The following MUC3A variants were observed in gnomAD, a reference collection of about 807,000 sequenced individuals.
The protein encoded by MUC3A is mucin 3A, cell surface associated.
Under a neutral mutation model 109.0 loss-of-function variants are expected in MUC3A, and 109 were observed. That is an observed-to-expected ratio of 1.00 (90% CI 0.86 to 1.17). The LOEUF is 1.17. Among genes scored for constraint, MUC3A ranks in the 50% most tolerant of loss-of-function variants. The probability of loss-of-function intolerance (pLI) is 0.00; values close to 1 mark genes in which losing one functional copy is unlikely to be tolerated. For synonymous variants in MUC3A, 1,398 were observed against 981.4 expected, an observed-to-expected ratio of 1.42 and a Z score of -7.93; for missense variants, 3,537 against 2,469.4, an observed-to-expected ratio of 1.43 and a Z score of -9.16.
chr7:100,961,317 C>T (rs534051248), intron 3 of MUC3A, among the ~76,000 whole-genome samples: 1 of 136,394 alleles, frequency 7.3e-6, no homozygotes, highest in African/African-American at 2.8e-5. Flanking sequence ...GTCACCAGGG[C>T]TGTGTTGTCT....
At position 100,965,830 on chromosome 7, in the gene MUC3A, G is replaced by A. The variant is rs1021234895; in HGVS notation, c.9575G>A (p.Gly3192Asp). The change falls in exon 8 of 12, where the codon GGC (glycine) becomes GAC (aspartate). Residue 3192 changes from glycine (G) to aspartate (D), a missense_variant. By Grantham distance (94) the Gly-to-Asp change is moderately conservative. Transcript: ENST00000379458. ...GVDNAIDCHQGQCVLETSGPT... is the reference protein window; with the variant it reads ...GVDNAIDCHQDQCVLETSGPT... The stretch of plus-strand genomic sequence containing the variant: ...GACAACGCCATCGACTGTCACCAGG[G>A]CCAGTGCGTTCTGGAGACGAGCGGT... 2.5e-6 allele frequency: 4 copies of A among 1,597,080 alleles called. No individual in the cohort carries two copies. Among genetic ancestry groups the A allele is most frequent in the Non-Finnish European group, 3.4e-6 (4 of 1,178,916 alleles).
intron 1 of MUC3A, among the ~76,000 whole-genome samples, chr7:100,950,215 C>T (rs1245037319): frequency 6.6e-6 from 1 of 152,310 alleles, no homozygotes; most frequent in African/African-American, 2.4e-5. Context: ...ACTCTCTTAC[C>T]CCGGCCAGGG....
At chr7:100,964,672 C>G in intron 5 of MUC3A, 23 bp from the exon 6 acceptor site, 1 of 1,595,492 alleles carries the variant, frequency 6.3e-7, no homozygotes, top group East Asian at 2.2e-5. Context: ...CTGGGGCACT[C>G]TCTAAGGCTG....
In MUC3A at chr7:100,959,995, C is replaced by G. The variant is rs1373756378; in HGVS notation, c.8216C>G (p.Thr2739Ser). The G allele has an allele frequency of 6.6e-7, 1 of 1,506,648 alleles. No homozygotes were observed. Among genetic ancestry groups the G allele is most frequent in the African/African-American group, 1.4e-5 (1 of 71,906 alleles). The allele number at this position is 1,506,648 out of a possible 1,614,324, so 93.3% of individuals were successfully genotyped here. The change falls in exon 2 of 12, where the codon ACC becomes AGC. Residue 2739 changes from threonine (T) to serine (S), a missense_variant. Coordinates refer to ENST00000379458, the MANE Select transcript of MUC3A (RefSeq NM_005960.2). Reference sequence around the variant, plus strand: ...CCTAGTCTCTCTTCCTCTGCAACTACCAGCACTTCTTCAACCAGCTCCTCT... The same window carrying G: ...CCTAGTCTCTCTTCCTCTGCAACTAGCAGCACTTCTTCAACCAGCTCCTCT... ...GFPSLSSSAT[T>S]STSSTSSSLT...
chr7:100,960,045 A>G lies in MUC3A; in HGVS notation c.8266A>G (p.Thr2756Ala), dbSNP rs772494170. 1 of 1,508,828 alleles carries G rather than the reference A, an allele frequency of 6.6e-7. No homozygotes were observed. Among genetic ancestry groups the G allele is most frequent in the Non-Finnish European group, 8.8e-7 (1 of 1,139,630 alleles). 93.5% of individuals were successfully genotyped at this position (1,508,828 alleles called of 1,614,324 possible). The change falls in exon 2 of 12, where the codon ACC (threonine) becomes GCC (alanine). Residue 2756 changes from threonine (T) to alanine (A), a missense_variant. By Grantham distance (58) the Thr-to-Ala change is moderately conservative (BLOSUM62 0). Coordinates refer to ENST00000379458, the MANE Select transcript of MUC3A (RefSeq NM_005960.2). ...SSLTTALTEI[T>A]PFSYISLPST... ...TCTGACCACAGCTCTCACTGAAATA[A>G]CCCCCTTTTCTTATATTTCCCTTCC...
At position 100,964,757 on chromosome 7, in the gene MUC3A, A is replaced by C; in HGVS notation, c.9296A>C (p.Glu3099Ala). The change falls in exon 6 of 12, where the codon GAG (glutamate) becomes GCG (alanine). Residue 3099 changes from glutamate (E) to alanine (A), a missense_variant. Physicochemically the swap from Glu to Ala is moderately radical, Grantham distance 107. Transcript: ENST00000379458. The part of the protein sequence containing the change: ...LLEMPFSPQL[E>A]SEYEQVKTTL... ...GAGATGCCCTTCAGCCCCCAGCTGG[A>C]GAGCGAGTATGAGCAGGTGAAGACC... 6.3e-7 allele frequency: 1 copy of C among 1,598,514 alleles called. No individual in the cohort carries two copies. The highest frequency in any genetic ancestry group is 8.5e-7 in the Non-Finnish European group (1 of 1,179,794).
Position 100,949,690 on chromosome 7 carries a change from G to A in MUC3A, c.61+5G>A. On this transcript the variant is annotated splice_donor_5th_base_variant and intron_variant, in intron 1 of 11. Coordinates refer to ENST00000379458, the MANE Select transcript of MUC3A (RefSeq NM_005960.2). ...AGGCCTCCCCGTGGGCCACAGGTAA[G>A]GGGGAGAGGCGGAAGGGGGTTGGAG... 1 of 1,537,594 alleles carries A rather than the reference G, an allele frequency of 6.5e-7. No homozygotes were observed. Among genetic ancestry groups the A allele is most frequent in the Non-Finnish European group, 8.7e-7 (1 of 1,149,050 alleles).
In MUC3A at chr7:100,964,521, A is replaced by C. The variant is rs1214634332; in HGVS notation, c.9234-174A>C. On this transcript the variant is annotated intron_variant, in intron 5 of 11. Transcript: ENST00000379458. ...CATTCCTTGTCCTGCCTTCCCAGGC[A>C]GACCAAGTCAGGAATGCTGGCAGCC... The C allele has an allele frequency of 2.3e-5, 25 of 1,080,914 alleles. No individual in the cohort carries two copies. The East Asian group carries it at 5.3e-4, about 23-fold the overall frequency. The allele number at this position is 1,080,914 out of a possible 1,614,324, so 67.0% of individuals were successfully genotyped here. A position where few individuals can be genotyped will look rare whatever the true frequency, so the allele number is the denominator to read the frequency against.
In MUC3A at chr7:100,960,635, C is replaced by T; in HGVS notation, c.8856C>T (p.Thr2952=). 3.1e-6 allele frequency: 5 copies of T among 1,597,812 alleles called. No homozygotes were observed. The highest frequency in any genetic ancestry group is 4.2e-6 in the Non-Finnish European group (5 of 1,179,328). ...TSQMTTQSTL[T]TTAGTCDNGG... ...AGATGACCACACAGTCCACGTTGAC[C>T]ACCACTGCAGGTTGGACCTTCTGCC... Residue 2952 remains threonine, a synonymous_variant, in exon 2 of 12, where the codon ACC becomes ACT. Transcript: ENST00000379458.
chr7:100,958,029 G>C lies in MUC3A; in HGVS notation c.6250G>C (p.Glu2084Gln). 2.5e-6 allele frequency: 1 copy of C among 393,636 alleles called. No individual in the cohort carries two copies. Among genetic ancestry groups the C allele is most frequent in the Non-Finnish European group, 3.5e-6 (1 of 289,158 alleles). The allele number at this position is 393,636 out of a possible 1,614,324, so 24.4% of individuals were successfully genotyped here. A position where few individuals can be genotyped will look rare whatever the true frequency, so the allele number is the denominator to read the frequency against. Residue 2084 changes from glutamate to glutamine, a missense_variant, in exon 2 of 12, where the codon GAG becomes CAG. Glu to Gln is a conservative substitution (Grantham distance 29). Coordinates refer to ENST00000379458, the MANE Select transcript of MUC3A (RefSeq NM_005960.2). Reference sequence around the variant, plus strand: ...CTACACTACCTCAATCACCACCACCGAGACCCCCTCACACAGTACTCTCAG... The same window carrying C: ...CTACACTACCTCAATCACCACCACCCAGACCCCCTCACACAGTACTCTCAG... The part of the protein sequence containing the change: ...LSYTTSITTT[E>Q]TPSHSTLSFT...
Position 100,960,247 on chromosome 7 carries a change from C to G in MUC3A, c.8468C>G (p.Thr2823Ser). ...TGTCCTACCTCCATCAGTATCCAAA[C>G]TACTCTTACTACATATATGGACACT... ...VTCPTSISIQ[T>S]TLTTYMDTSS... Residue 2823 changes from threonine to serine, a missense_variant, in exon 2 of 12, where the codon ACT becomes AGT. Coordinates refer to ENST00000379458, the MANE Select transcript of MUC3A (RefSeq NM_005960.2). 2 of 1,598,508 alleles carry G rather than the reference C, an allele frequency of 1.3e-6. No homozygotes were observed. The highest frequency in any genetic ancestry group is 1.1e-5 in the South Asian group (1 of 91,080).
chr7:100,949,571 C>T lies in MUC3A; in HGVS notation c.-54C>T, dbSNP rs1254819500. ...TGCACGCCCCAGGGCCACGTCCCTG[C>T]CGCTGTCTTGGTCCTGAAGCCTGTT... On this transcript the variant is annotated 5_prime_UTR_variant, in exon 1 of 12. Transcript: ENST00000379458. The T allele has an allele frequency of 6.6e-7, 1 of 1,519,968 alleles. No individual in the cohort carries two copies. Among genetic ancestry groups the T allele is most frequent in the Non-Finnish European group, 8.8e-7 (1 of 1,133,166 alleles). The allele number at this position is 1,519,968 out of a possible 1,614,324, so 94.2% of individuals were successfully genotyped here.
chr7:100,966,431 G>A lies in MUC3A; in HGVS notation c.9657G>A (p.Glu3219=). 2 of 1,349,462 alleles carry A rather than the reference G, an allele frequency of 1.5e-6. No individual in the cohort carries two copies. The highest frequency in any genetic ancestry group is 1.9e-6 in the Non-Finnish European group (2 of 1,057,764). The allele number at this position is 1,349,462 out of a possible 1,614,324, so 83.6% of individuals were successfully genotyped here. A position where few individuals can be genotyped will look rare whatever the true frequency, so the allele number is the denominator to read the frequency against. ...DTHWFSGPRC[E]VAVHWRALVG... is the part of the protein sequence containing the mutation. Reference sequence around the variant, plus strand: ...ACTGGTTCTCTGGCCCGCGCTGCGAGGTGGCCGTCCACTGGAGGGCGCTGG... The same window carrying A: ...ACTGGTTCTCTGGCCCGCGCTGCGAAGTGGCCGTCCACTGGAGGGCGCTGG... Residue 3219 remains glutamate (E), a synonymous_variant, in exon 9 of 12, where the codon GAG becomes GAA. Transcript: ENST00000379458.
In MUC3A at chr7:100,953,821, G is replaced by C; in HGVS notation, c.2042G>C (p.Ser681Thr). 1 of 428,374 alleles carries C rather than the reference G, an allele frequency of 2.3e-6. No homozygotes were observed. Among genetic ancestry groups the C allele is most frequent in the Non-Finnish European group, 4.1e-6 (1 of 244,974 alleles). The allele number at this position is 428,374 out of a possible 1,614,324, so 26.5% of individuals were successfully genotyped here. A position where few individuals can be genotyped will look rare whatever the true frequency, so the allele number is the denominator to read the frequency against. Reference sequence around the variant, plus strand: ...GTCCCAAGCACAGAAGTAGTCACCAGTGGCACCATAAACACAATCCCTCCA... The same window carrying C: ...GTCCCAAGCACAGAAGTAGTCACCACTGGCACCATAAACACAATCCCTCCA... ...TPVPSTEVVTSGTINTIPPSI... is the reference protein window; with the variant it reads ...TPVPSTEVVTTGTINTIPPSI... The change falls in exon 2 of 12, where the codon AGT becomes ACT. Residue 681 changes from serine (S) to threonine (T), a missense_variant. Coordinates refer to ENST00000379458, the MANE Select transcript of MUC3A (RefSeq NM_005960.2).
At position 100,949,796 on chromosome 7, in the gene MUC3A, G is replaced by T. The variant is rs185798826; in HGVS notation, c.61+111G>T. ...TGGGGAGGGGGGATAAGAAGGCACC[G>T]CTTGGGGCTCTGGGTGCAGGGAGAA... On this transcript the variant is annotated intron_variant, in intron 1 of 11. Coordinates refer to ENST00000379458, the MANE Select transcript of MUC3A (RefSeq NM_005960.2). 2,337 of 1,109,016 alleles carry T rather than the reference G, an allele frequency of 2.1e-3. 97 individuals carry two copies. In the Admixed American group the frequency reaches 0.065, roughly 31 times the overall value. The allele number at this position is 1,109,016 out of a possible 1,614,324, so 68.7% of individuals were successfully genotyped here. A position where few individuals can be genotyped will look rare whatever the true frequency, so the allele number is the denominator to read the frequency against.
In MUC3A at chr7:100,964,794, G is replaced by C; in HGVS notation, c.9333G>C (p.Glu3111Asp). 1 of 1,598,258 alleles carries C rather than the reference G, an allele frequency of 6.3e-7. No individual in the cohort carries two copies. Among genetic ancestry groups the C allele is most frequent in the East Asian group, 2.2e-5 (1 of 44,888 alleles). ...AGCAGGTGAAGACCACGCTGAAGGA[G>C]GGGCTGCAGAACGCCAGCCAGGATG... ...EYEQVKTTLK[E>D]GLQNASQDVN... Residue 3111 changes from glutamate to aspartate, a missense_variant, in exon 6 of 12, where the codon GAG becomes GAC. Physicochemically the swap from Glu to Asp is conservative, Grantham distance 45 (BLOSUM62 2). Transcript: ENST00000379458.
intron 4 of MUC3A, 62 bp from the exon 5 acceptor site, chr7:100,963,626 G>A: frequency 6.3e-7 from 1 of 1,597,442 alleles, no homozygotes. Context: ...CTGGGGTTGG[G>A]CGTCTGGGTC....
At position 100,960,124 on chromosome 7, in the gene MUC3A, C is replaced by G. The variant is rs761822746; in HGVS notation, c.8345C>G (p.Pro2782Arg). 71 of 1,546,118 alleles carry G rather than the reference C, an allele frequency of 4.6e-5. No individual in the cohort carries two copies. The highest frequency in any genetic ancestry group is 5.6e-5 in the Non-Finnish European group (65 of 1,152,350). ...TITITIVPAS[P>R]TDPCVEMDPS... ...ACAATTACCATAGTCCCTGCCTCCCCCACTGATCCATGTGTTGAAATGGAT... is the reference window on the plus strand; with the variant it reads ...ACAATTACCATAGTCCCTGCCTCCCGCACTGATCCATGTGTTGAAATGGAT... The change falls in exon 2 of 12, where the codon CCC (proline) becomes CGC (arginine). Residue 2782 changes from proline (P) to arginine (R), a missense_variant. Physicochemically the swap from Pro to Arg is moderately radical, Grantham distance 103. Transcript: ENST00000379458.
At position 100,961,202 on chromosome 7, in the gene MUC3A, G is replaced by A. The variant is rs754280783; in HGVS notation, c.9052+265G>A. On this transcript the variant is annotated intron_variant, in intron 3 of 11. Coordinates refer to ENST00000379458, the MANE Select transcript of MUC3A (RefSeq NM_005960.2). ...GCTGTATCAGTTTCCAACTGCTGCC[G>A]GGCCAACAAACACAAATCTGGCTGC... Among the ~76,000 whole-genome samples, 14 of 152,428 alleles carry A rather than the reference G, an allele frequency of 9.2e-5. No homozygotes were observed. The East Asian group carries it at 1.2e-3, about 13-fold the overall frequency.
Sources: gnomAD v4.1 joint callset for allele counts (sites outside exome capture counted in the v4.1 genomes callset) on GRCh38, gnomAD v4.1.1 for gene constraint, MANE v1.5 for transcripts, NCBI Gene and HGNC (gene_info 2026-07-23, HGNC 2026-07-21) for gene names.